Variants in ZP3 observed in about 807,000 individuals in gnomAD.
ZP3 encodes the protein zona pellucida glycoprotein 3, also known as zona pellucida sperm-binding protein 3.
In ZP3, 21 loss-of-function variants were observed where a neutral mutation model predicts 35.6. The ratio of observed to expected loss-of-function variants is 0.59; its 90% CI spans 0.42 to 0.85. The LOEUF (loss-of-function observed/expected upper bound fraction) is 0.85. Ranked by LOEUF, ZP3 falls within the 40% of genes least tolerant of loss-of-function variation. The probability of loss-of-function intolerance (pLI) is 0.00; values close to 1 mark genes in which losing one functional copy is unlikely to be tolerated. For missense variants in ZP3, 437 were observed against 536.5 expected (o/e 0.81, Z 1.83); for synonymous variants, 207 against 214.5 (o/e 0.96, Z 0.31).
intron 7 of ZP3, 118 bp from the exon 8 acceptor site, chr7:76,441,724 T>C (rs1396770421): frequency 3.4e-6 from 4 of 1,183,868 alleles, no homozygotes; most frequent in Non-Finnish European, 5.0e-6. Context: ...AAACTGTTTA[T>C]TAGCCCACAC....
Position 76,412,962 on chromosome 7 carries a change from C to CTTTTTT in ZP3, c.-66-12088_-66-12087insTTTTTT, listed in dbSNP as rs201143080. ...CTTTCTTCTTTGTCTTCTTCTTCTT[C>CTTTTTT]TTCTTTTTTTTTTTTTTTGAGACGG... On this transcript the variant is annotated intron_variant, in intron 1 of 8. Coordinates refer to the ZP3 transcript ENST00000336517. Among the ~76,000 whole-genome samples, 358 of 113,670 alleles carry CTTTTTT rather than the reference C, an allele frequency of 3.1e-3. 19 individuals are homozygous for CTTTTTT. The highest frequency in any genetic ancestry group is 6.0e-3 in the Middle Eastern group (1 of 166). 74.6% of individuals were successfully genotyped at this position (113,670 alleles called of 152,430 possible). A position where few individuals can be genotyped will look rare whatever the true frequency, so the allele number is the denominator to read the frequency against.
At chr7:76,400,415 C>G in intron 1 of ZP3, 1 of 1,605,114 alleles carries the variant, frequency 6.2e-7, no homozygotes, top group South Asian at 1.1e-5. Context: ...GGGCCTCGGC[C>G]TTGGCCAAAG....
At chr7:76,438,538 G>GGAAAAAA (rs1554626485) in intron 5 of ZP3, among the ~76,000 whole-genome samples, 7,492 of 87,830 alleles carry the variant, frequency 0.085, 8 homozygotes, top group African/African-American at 0.13. Context: ...CTCCGTCTCA[G>GGAAAAAA]AAAAAAAAAA....
At chr7:76,415,226 T>G (rs1805340402) in intron 1 of ZP3, among the ~76,000 whole-genome samples, 1 of 151,196 alleles carries the variant, frequency 6.6e-6, no homozygotes, top group Non-Finnish European at 1.5e-5. Context: ...ATTAGCCAGG[T>G]GTGGTGGCAC....
chr7:76,425,954 G>A (rs1388922312), intron 1 of ZP3, among the ~76,000 whole-genome samples: 3 of 151,714 alleles, frequency 2.0e-5, no homozygotes, highest in Non-Finnish European at 2.9e-5. Flanking sequence ...ATGGTGGTGC[G>A]TGTCTGTAAT....
upstream of ZP3, among the ~76,000 whole-genome samples, chr7:76,421,844 G>A (rs566363861): frequency 4.3e-4 from 65 of 152,014 alleles, no homozygotes; most frequent in Admixed American, 1.6e-3. Flanking sequence ...GGTAAATGCT[G>A]TACCTGTCAG....
At chr7:76,399,674 C>T (rs1804751475) in intron 1 of ZP3, among the ~76,000 whole-genome samples, 1 of 152,090 alleles carries the variant, frequency 6.6e-6, no homozygotes, top group African/African-American at 2.4e-5. Context: ...TAGCTGGGAC[C>T]GCCCCCAACA....
chr7:76,428,659 G>A (rs1167534004), intron 1 of ZP3: 1 of 152,422 alleles, frequency 6.6e-6, no homozygotes, highest in Admixed American at 6.6e-5. Flanking sequence ...GAATAGGTTA[G>A]AAGCTGATGT....
chr7:76,429,314 A>C, intron 1 of ZP3: 1 of 566,846 alleles, frequency 1.8e-6, no homozygotes, highest in South Asian at 1.9e-5. Flanking sequence ...TATGTTTCCC[A>C]GGCCAGTCTC....
chr7:76,410,591 T>C (rs1805216184), intron 1 of ZP3, among the ~76,000 whole-genome samples: 1 of 151,802 alleles, frequency 6.6e-6, no homozygotes, highest in African/African-American at 2.4e-5. Flanking sequence ...ATGGTGAGGC[T>C]GGGAAGACTG....
intron 1 of ZP3, among the ~76,000 whole-genome samples, chr7:76,418,821 A>G (rs904792507): frequency 1.1e-4 from 16 of 152,164 alleles, no homozygotes; most frequent in Non-Finnish European, 2.4e-4. Flanking sequence ...GCGCCACTGC[A>G]CTCCAGCCTG....
At chr7:76,400,277 T>A (rs1804772681) in intron 1 of ZP3, 3 of 1,455,902 alleles carry the variant, frequency 2.1e-6, no homozygotes, top group Non-Finnish European at 2.7e-6. Flanking sequence ...GTCCCAGGGC[T>A]CCACTCACCA....
At chr7:76,413,540 T>G (rs1398655392) in intron 1 of ZP3, among the ~76,000 whole-genome samples, 1 of 152,234 alleles carries the variant, frequency 6.6e-6, no homozygotes, top group African/African-American at 2.4e-5. Flanking sequence ...GTGCTGGGAT[T>G]ACAGGCTTGA....
chr7:76,438,614 T>C (rs1638138), intron 5 of ZP3, among the ~76,000 whole-genome samples: 10,007 of 107,392 alleles, frequency 0.093, 31 homozygotes, highest in South Asian at 0.13. Context: ...GTGGGGGGTC[T>C]TTCAGCTCCC....
chr7:76,438,550 A>AAG, intron 5 of ZP3, among the ~76,000 whole-genome samples: 1 of 149,638 alleles, frequency 6.7e-6, no homozygotes, highest in East Asian at 2.0e-4. Flanking sequence ...AAAAAAAAAA[A>AAG]AAAAAAAGGG....
rs1233414804 is a variant in ZP3, at chr7:76,404,261, A to T, written c.-67+6464A>T. ...TATAAAGTTACAGCTGGGACAACTG[A>T]GATTCAGAAAGAGGAAGTGGCAAGG... On this transcript the variant is annotated intron_variant, in intron 1 of 8. Coordinates refer to the ZP3 transcript ENST00000336517. 3 of 1,496,376 alleles carry T rather than the reference A, an allele frequency of 2.0e-6. No individual in the cohort carries two copies. In the South Asian group the frequency reaches 4.1e-5, roughly 20 times the overall value. 92.7% of individuals were successfully genotyped at this position (1,496,376 alleles called of 1,614,324 possible). A position where few individuals can be genotyped will look rare whatever the true frequency, so the allele number is the denominator to read the frequency against.
At chr7:76,417,407 A>G (rs375776478) in intron 1 of ZP3, among the ~76,000 whole-genome samples, 25 of 152,104 alleles carry the variant, frequency 1.6e-4, no homozygotes, top group East Asian at 1.4e-3. Context: ...AAAATGGGCT[A>G]AATCTCAGCC....
At chr7:76,415,364 CAAAA>C (rs528001072) in intron 1 of ZP3, among the ~76,000 whole-genome samples, 4 of 63,522 alleles carry the variant, frequency 6.3e-5, no homozygotes, top group African/African-American at 2.4e-4. Context: ...GACTCCGTCT[CAAAA>C]AAAAAAAAAA....
chr7:76,401,212 T>C (rs1804817295), intron 1 of ZP3, among the ~76,000 whole-genome samples: 1 of 152,058 alleles, frequency 6.6e-6, no homozygotes, highest in African/African-American at 2.4e-5. Flanking sequence ...ACTGTCCTGA[T>C]TGGCTTCCCT....
Sources: gnomAD v4.1 joint callset for allele counts (sites outside exome capture counted in the v4.1 genomes callset) on GRCh38, gnomAD v4.1.1 for gene constraint, MANE v1.5 for transcripts, NCBI Gene and HGNC (gene_info 2026-07-23, HGNC 2026-07-21) for gene names.